The following TTC28 variants were observed in gnomAD, a reference collection of about 807,000 sequenced individuals.
TTC28 encodes tetratricopeptide repeat protein 28.
Under a neutral mutation model 198.0 loss-of-function variants are expected in TTC28, and 61 were observed. The ratio of observed to expected loss-of-function variants is 0.31; its 90% CI spans 0.25 to 0.38. The LOEUF (loss-of-function observed/expected upper bound fraction) is 0.38. Among genes scored for constraint, TTC28 ranks in the 10% least tolerant of loss-of-function variants. The pLI is 1.00. For missense variants in TTC28, 2,678 were observed against 3,164.0 expected, an observed-to-expected ratio of 0.85 and a Z score of 3.69; for synonymous variants, 1,171 against 1,297.8, an observed-to-expected ratio of 0.90 and a Z score of 2.10.
intron 2 of TTC28, among the ~76,000 whole-genome samples, chr22:28,504,459 C>T (rs1193800863): frequency 2.0e-5 from 3 of 152,000 alleles, no homozygotes; most frequent in Admixed American, 6.6e-5. Context: ...TATGTACACA[C>T]ACACCTATAT....
intron 2 of TTC28, among the ~76,000 whole-genome samples, chr22:28,554,579 A>G (rs2049757398): frequency 6.6e-6 from 1 of 152,194 alleles, no homozygotes; most frequent in African/African-American, 2.4e-5. Flanking sequence ...CAGAAGAAAT[A>G]ATCAGCAGAG....
At chr22:28,552,911 C>T (rs544558662) in intron 2 of TTC28, among the ~76,000 whole-genome samples, 388 of 152,252 alleles carry the variant, frequency 2.5e-3, no homozygotes, top group Non-Finnish European at 4.5e-3. Context: ...CTCAGCCTGT[C>T]GAGTGCCTGT....
chr22:28,372,781 T>C (rs115214789), intron 2 of TTC28, among the ~76,000 whole-genome samples: 2,455 of 152,236 alleles, frequency 0.016, 87 homozygotes, highest in African/African-American at 0.057. Context: ...GCAGCAAGAT[T>C]TGTGCTGTAG....
At chr22:28,326,975 A>ACACAC (rs2045541028) in intron 2 of TTC28, among the ~76,000 whole-genome samples, 9 of 142,838 alleles carry the variant, frequency 6.3e-5, no homozygotes, top group African/African-American at 2.1e-4. Flanking sequence ...CACAAACACA[A>ACACAC]ACACACACAC....
chr22:28,219,722 T>G (rs1927704011), intron 5 of TTC28, among the ~76,000 whole-genome samples: 1 of 152,140 alleles, frequency 6.6e-6, no homozygotes, highest in South Asian at 2.1e-4. Context: ...ATGGGAAAAT[T>G]AATATGAGAA....
intron 5 of TTC28, among the ~76,000 whole-genome samples, chr22:28,248,281 C>T (rs948973779): frequency 6.6e-6 from 1 of 152,168 alleles, no homozygotes; most frequent in Non-Finnish European, 1.5e-5. Flanking sequence ...CTATCTATCT[C>T]CTTGACAGTT....
chr22:28,005,960 A>G lies in TTC28; in HGVS notation c.4219-4407T>C, dbSNP rs958779000. Among the ~76,000 whole-genome samples the G allele has an allele frequency of 6.6e-6, 1 of 152,176 alleles. No individual in the cohort carries two copies. The highest frequency in any genetic ancestry group is 2.4e-5 in the African/African-American group (1 of 41,420). On this transcript the variant is annotated intron_variant, in intron 14 of 22. Coordinates refer to ENST00000397906, the MANE Select transcript of TTC28 (RefSeq NM_001145418.2). The surrounding 1 kb of genome is among the most constrained non-coding windows in gnomAD (Gnocchi z 4.9). Reference sequence around the variant, plus strand: ...TACAGTTATTTGCCTATCATGGGTAATAGTTCTCAATACTAAACATCCGTG... The same window carrying G: ...TACAGTTATTTGCCTATCATGGGTAGTAGTTCTCAATACTAAACATCCGTG...
intron 2 of TTC28, among the ~76,000 whole-genome samples, chr22:28,377,645 C>T (rs944334805): frequency 3.3e-5 from 5 of 152,110 alleles, no homozygotes; most frequent in African/African-American, 7.2e-5. Flanking sequence ...GCAAAATTAA[C>T]GTAGACCAAA....
At chr22:28,175,744 T>A (rs943965611) in intron 5 of TTC28, among the ~76,000 whole-genome samples, 10 of 151,346 alleles carry the variant, frequency 6.6e-5, no homozygotes, top group African/African-American at 1.9e-4. Context: ...AAAAAAAAAT[T>A]AAAAAATGGG....
intron 2 of TTC28, among the ~76,000 whole-genome samples, chr22:28,595,177 A>C (rs1054979663): frequency 3.9e-5 from 6 of 152,200 alleles, no homozygotes; most frequent in East Asian, 1.9e-4. Flanking sequence ...CAGGGCTTAT[A>C]CACCATTTTG....
At chr22:28,268,012 G>A (rs1221857635) in intron 5 of TTC28, among the ~76,000 whole-genome samples, 2 of 152,162 alleles carry the variant, frequency 1.3e-5, no homozygotes, top group Non-Finnish European at 2.9e-5. Context: ...AACGCCTAGT[G>A]TGCCATCAAG....
chr22:28,432,747 T>C (rs1420366527), intron 2 of TTC28, among the ~76,000 whole-genome samples: 1 of 152,236 alleles, frequency 6.6e-6, no homozygotes, highest in Non-Finnish European at 1.5e-5. Context: ...CCTAAGTTAT[T>C]CTACCTTTAT....
At chr22:28,513,763 C>T (rs904626416) in intron 2 of TTC28, among the ~76,000 whole-genome samples, 6 of 151,802 alleles carry the variant, frequency 4.0e-5, no homozygotes, top group Non-Finnish European at 5.9e-5. Context: ...TAAAAATATA[C>T]ATATATCTAT....
At chr22:28,303,297 T>G (rs1445751154) in intron 3 of TTC28, among the ~76,000 whole-genome samples, 1 of 152,148 alleles carries the variant, frequency 6.6e-6, no homozygotes, top group Non-Finnish European at 1.5e-5. Flanking sequence ...TGCTGAAAGA[T>G]TATCTTAAAA....
intron 2 of TTC28, among the ~76,000 whole-genome samples, chr22:28,476,441 T>C (rs749304743): frequency 2.0e-5 from 3 of 152,202 alleles, no homozygotes; most frequent in Non-Finnish European, 2.9e-5. Context: ...ACATAGCTCC[T>C]AGTGCACTTG....
chr22:28,588,066 C>T (rs546025874), intron 2 of TTC28, among the ~76,000 whole-genome samples: 6 of 151,036 alleles, frequency 4.0e-5, no homozygotes, highest in Admixed American at 3.3e-4. Context: ...GGCGTGAACC[C>T]GGGAGGCAGA....
At chr22:28,149,842 G>C (rs1351329738) in intron 6 of TTC28, among the ~76,000 whole-genome samples, 1 of 152,186 alleles carries the variant, frequency 6.6e-6, no homozygotes, top group Non-Finnish European at 1.5e-5. Context: ...ACAGCATGGT[G>C]ACTGTAGTTA....
Position 28,275,638 on chromosome 22 carries a change from T to G in TTC28, c.933+20560A>C, listed in dbSNP as rs1932371646. On this transcript the variant is annotated intron_variant, in intron 5 of 22. Transcript: ENST00000397906. ...TCATCTCTTTTATGAAAAAACATACTCCAGCTGCTTTTTTGGAGAGAGTAA... is the reference window on the plus strand; with the variant it reads ...TCATCTCTTTTATGAAAAAACATACGCCAGCTGCTTTTTTGGAGAGAGTAA... 2.6e-5 allele frequency among the ~76,000 whole-genome samples: 4 copies of G among 152,052 alleles called. No individual in the cohort carries two copies. The South Asian group carries it at 8.3e-4, about 32-fold the overall frequency.
chr22:28,211,930 C>CA (rs1391370447), intron 5 of TTC28, among the ~76,000 whole-genome samples: 1 of 152,164 alleles, frequency 6.6e-6, no homozygotes, highest in Non-Finnish European at 1.5e-5. Flanking sequence ...AACAAACTCT[C>CA]AGACCACAGT....
Sources: allele counts gnomAD v4.1 joint callset (sites outside exome capture counted in the v4.1 genomes callset), GRCh38; gene constraint gnomAD v4.1.1; non-coding constraint Gnocchi (gnomAD v3.1); transcripts MANE v1.5; gene names NCBI Gene and HGNC (gene_info 2026-07-23, HGNC 2026-07-21).